KDM5A: variants seen among roughly 807,000 people sequenced by gnomAD.
KDM5A encodes lysine-specific demethylase 5A.
In KDM5A, 42 loss-of-function variants were observed where a neutral mutation model predicts 193.5. The observed-to-expected ratio is 0.22, with a 90% confidence interval of 0.17 to 0.28. The LOEUF is 0.28. Ranked by LOEUF, KDM5A falls within the 10% of genes least tolerant of loss-of-function variation. The probability of loss-of-function intolerance (pLI) is 1.00; values close to 1 mark genes in which losing one functional copy is unlikely to be tolerated. For synonymous variants in KDM5A, 796 were observed against 718.1 expected, an observed-to-expected ratio of 1.11 and a Z score of -1.73; for missense variants, 1,692 against 2,055.1, an observed-to-expected ratio of 0.82 and a Z score of 3.42.
At chr12:357,133 T>C (rs143020504) in intron 5 of KDM5A, among the ~76,000 whole-genome samples, 1 of 151,928 alleles carries the variant, frequency 6.6e-6, no homozygotes, top group African/African-American at 2.4e-5. Context: ...GTACAAAAAT[T>C]AGCCAGGCAT....
At chr12:327,045 A>G (rs567425584) in intron 14 of KDM5A, among the ~76,000 whole-genome samples, 2 of 152,276 alleles carry the variant, frequency 1.3e-5, no homozygotes, top group Admixed American at 6.5e-5. Context: ...TTCTTAGTAA[A>G]GGTAAAATGA....
At chr12:365,703 T>C (rs1944349306) in intron 4 of KDM5A, among the ~76,000 whole-genome samples, 1 of 152,214 alleles carries the variant, frequency 6.6e-6, no homozygotes, top group Non-Finnish European at 1.5e-5. Flanking sequence ...CAGGACTTTT[T>C]CAAAAAGTTT....
chr12:304,663 CAGTA>C (rs753492122), intron 24 of KDM5A, among the ~76,000 whole-genome samples: 80 of 152,190 alleles, frequency 5.3e-4, no homozygotes, highest in Admixed American at 9.2e-4. Context: ...ACCAAAGAGA[CAGTA>C]AGCTAAGATT....
At chr12:313,954 T>G (rs901156188) in intron 19 of KDM5A, among the ~76,000 whole-genome samples, 7 of 152,052 alleles carry the variant, frequency 4.6e-5, no homozygotes, top group Admixed American at 3.3e-4. Context: ...ATGGTTCAGT[T>G]TGCGATTAGG....
chr12:295,744 T>A lies in KDM5A; in HGVS notation c.4284A>T (p.Arg1428=), dbSNP rs777569364. The change falls in exon 26 of 28, where the codon CGA becomes CGT. Residue 1428 remains arginine (R), a synonymous_variant. Transcript: ENST00000399788. ...ACTCCAGCACTGGAGGTTCCAAACT[T>A]CGGGGCACCAAAGGGCTCTTCCGAG... The part of the protein sequence containing the change: ...KQPRKSPLVP[R]SLEPPVLELS... The A allele has an allele frequency of 1.7e-5, 27 of 1,613,986 alleles. No individual in the cohort carries two copies. The South Asian group carries it at 3.0e-4, about 18-fold the overall frequency.
rs1260586850 is a variant in KDM5A at position 349,953 on chromosome 12, A to AC, written c.1308+667dup. Among the ~76,000 whole-genome samples, 3 of 151,118 alleles carry AC rather than the reference A, an allele frequency of 2.0e-5. No individual in the cohort carries two copies. In the South Asian group the frequency reaches 6.3e-4, roughly 32 times the overall value. ...AGACCAGCCTGACCAACATGGAGAA[A>AC]CCCCATCTCTACTAAAAATACAAAA... On this transcript the variant is annotated intron_variant, in intron 10 of 27. Coordinates refer to ENST00000399788, the MANE Select transcript of KDM5A (RefSeq NM_001042603.3).
At chr12:316,147 C>T (rs1335042253) in intron 19 of KDM5A, among the ~76,000 whole-genome samples, 2 of 152,216 alleles carry the variant, frequency 1.3e-5, no homozygotes, top group African/African-American at 4.8e-5. Context: ...AAGATTAAGG[C>T]TGTGTTTCAG....
In KDM5A at chr12:307,832, G is replaced by T; in HGVS notation, c.3552C>A (p.Phe1184Leu). 1 of 1,614,164 alleles carries T rather than the reference G, an allele frequency of 6.2e-7. No homozygotes were observed. The highest frequency in any genetic ancestry group is 8.5e-7 in the Non-Finnish European group (1 of 1,180,028). The change falls in exon 23 of 28, where the codon TTC (phenylalanine) becomes TTA (leucine). Residue 1184 changes from phenylalanine to leucine, a missense_variant. By Grantham distance (22) the Phe-to-Leu change is conservative. Transcript: ENST00000399788. The surrounding 1 kb of genome is among the most constrained non-coding windows in gnomAD (Gnocchi z 4.3). ...TAGGAAGAGGAACACAGCTGTTATG[G>T]AACCAGTCTTTGCAGAGCTCACACT... ...MLQCELCKDW[F>L]HNSCVPLPKS...
chr12:287,877 A>G (rs1943239892), intron 27 of KDM5A, among the ~76,000 whole-genome samples: 1 of 152,178 alleles, frequency 6.6e-6, no homozygotes, highest in African/African-American at 2.4e-5. Context: ...CACTATACTC[A>G]CTGGCTTACA....
chr12:360,309 TA>T lies in KDM5A; in HGVS notation c.672+2653del, dbSNP rs1179502674. 2.6e-5 allele frequency among the ~76,000 whole-genome samples: 4 copies of T among 151,890 alleles called. No individual in the cohort carries two copies. The East Asian group carries it at 7.7e-4, about 29-fold the overall frequency. On this transcript the variant is annotated intron_variant, in intron 5 of 27. Transcript: ENST00000399788. ...GACAAGATTTGAGAGTTCTGAGCATTACAGGCAGTACTTGAAATCACATGCA... is the reference window on the plus strand; with the variant it reads ...GACAAGATTTGAGAGTTCTGAGCATTCAGGCAGTACTTGAAATCACATGCA...
At chr12:317,763 G>C (rs1253373225) in intron 19 of KDM5A, among the ~76,000 whole-genome samples, 1 of 152,210 alleles carries the variant, frequency 6.6e-6, no homozygotes, top group African/African-American at 2.4e-5. Flanking sequence ...GGTGCTCTGA[G>C]GGTTGAAGAA....
At position 283,810 on chromosome 12, in the gene KDM5A, A is replaced by ATT. The variant is rs59742442; in HGVS notation, c.*1644_*1645dup. On this transcript the variant is annotated 3_prime_UTR_variant, in exon 28 of 28. Transcript: ENST00000399788. ...TGATGACAAAACACTATTTTTAGTC[A>ATT]TTTTTTTTTTTGTCCTTTAAAAAAA... The ATT allele has an allele frequency of 7.5e-4, 163 of 217,536 alleles. No individual in the cohort carries two copies. The highest frequency in any genetic ancestry group is 3.5e-3 in the African/African-American group (155 of 44,228). The allele number at this position is 217,536 out of a possible 1,614,324, so 13.5% of individuals were successfully genotyped here. A position where few individuals can be genotyped will look rare whatever the true frequency, so the allele number is the denominator to read the frequency against.
intron 11 of KDM5A, 137 bp downstream of exon 11, chr12:334,100 CAAAG>C: frequency 2.6e-6 from 2 of 766,174 alleles, no homozygotes; most frequent in Non-Finnish European, 4.2e-6. Context: ...TTTTACTACC[CAAAG>C]AAATAGGCCA....
At position 354,294 on chromosome 12, in the gene KDM5A, G is replaced by C. The variant is rs144284098; in HGVS notation, c.871-60C>G. 1.8e-3 allele frequency: 2,204 copies of C among 1,210,728 alleles called. 4 individuals carry two copies. Among genetic ancestry groups the C allele is most frequent in the Middle Eastern group, 2.6e-3 (10 of 3,916 alleles). The allele number at this position is 1,210,728 out of a possible 1,614,324, so 75.0% of individuals were successfully genotyped here. ...TATAATAAATAATAAATTTTTACCAGGAACTCCTTAGCTGAAATAAACAAA... is the reference window on the plus strand; with the variant it reads ...TATAATAAATAATAAATTTTTACCACGAACTCCTTAGCTGAAATAAACAAA... On this transcript the variant is annotated intron_variant, in intron 7 of 27. Transcript: ENST00000399788.
intron 9 of KDM5A, among the ~76,000 whole-genome samples, chr12:351,763 G>A (rs1483616278): frequency 1.3e-5 from 2 of 152,106 alleles, no homozygotes; most frequent in Non-Finnish European, 2.9e-5. Flanking sequence ...GAGGTCAGGA[G>A]ATCGAGACCA....
rs34704738 is a variant in KDM5A at position 389,101 on chromosome 12, CGGGG to C, written c.-14_-11del. The C allele has an allele frequency of 0.039, 49,766 of 1,276,472 alleles. 76 individuals are homozygous for C. The highest frequency in any genetic ancestry group is 0.097 in the African/African-American group (6,005 of 61,800). 79.1% of individuals were successfully genotyped at this position (1,276,472 alleles called of 1,614,324 possible). A position where few individuals can be genotyped will look rare whatever the true frequency, so the allele number is the denominator to read the frequency against. Reference sequence around the variant, plus strand: ...GCCCCACGCCCGCCATTGCAACGGCCGGGGGGGGGGGGGGGTCCCCGTGGGGAAC... The same window carrying C: ...GCCCCACGCCCGCCATTGCAACGGCCGGGGGGGGGGGTCCCCGTGGGGAAC... On this transcript the variant is annotated 5_prime_UTR_variant, in exon 1 of 28. Coordinates refer to ENST00000399788, the MANE Select transcript of KDM5A (RefSeq NM_001042603.3).
intron 27 of KDM5A, among the ~76,000 whole-genome samples, chr12:288,206 T>C (rs1179454452): frequency 1.3e-5 from 2 of 152,198 alleles, no homozygotes; most frequent in African/African-American, 2.4e-5. Context: ...GTCAACTGAA[T>C]CCACAGATGA....
chr12:370,611 C>CTT (rs777162719), intron 3 of KDM5A, among the ~76,000 whole-genome samples: 24 of 82,484 alleles, frequency 2.9e-4, no homozygotes, highest in Admixed American at 6.2e-4. Flanking sequence ...GGAACAGAGA[C>CTT]TTTTTTTTTT....
chr12:307,874 G>A lies in KDM5A; in HGVS notation c.3510C>T (p.Ala1170=), dbSNP rs1222750245. 1.9e-6 allele frequency: 3 copies of A among 1,614,136 alleles called. No homozygotes were observed. Among genetic ancestry groups the A allele is most frequent in the South Asian group, 2.2e-5 (2 of 91,082 alleles). ...GCTCACACTGTAGCATAAACCCACTGGCTGTCTTGCGGCAAATGCAAAATT... is the reference window on the plus strand; with the variant it reads ...GCTCACACTGTAGCATAAACCCACTAGCTGTCTTGCGGCAAATGCAAAATT... ...EVKFCICRKT[A]SGFMLQCELC... Residue 1170 remains alanine (A), a synonymous_variant, in exon 23 of 28, where the codon GCC becomes GCT. Transcript: ENST00000399788. This position sits in a 1 kb window ranked among gnomAD's most constrained non-coding sequence, Gnocchi z 4.3.
Sources: allele counts gnomAD v4.1 joint callset (sites outside exome capture counted in the v4.1 genomes callset), GRCh38; gene constraint gnomAD v4.1.1; non-coding constraint Gnocchi (gnomAD v3.1); transcripts MANE v1.5; gene names NCBI Gene and HGNC (gene_info 2026-07-23, HGNC 2026-07-21).